The following DTD2 variants were observed in gnomAD, a reference collection of about 807,000 sequenced individuals.
The protein encoded by DTD2 is D-aminoacyl-tRNA deacylase 2, also known as D-tyrosyl-tRNA deacylase 2 (putative).
A neutral mutation model predicts 15.5 loss-of-function variants in DTD2; 12 were observed. That is an observed-to-expected ratio of 0.77 (90% CI 0.50 to 1.25). The LOEUF (loss-of-function observed/expected upper bound fraction) is 1.25. Among genes scored for constraint, DTD2 ranks in the 50% most tolerant of loss-of-function variants. DTD2 has a pLI of 0.00. For missense variants in DTD2, 170 were observed against 201.1 expected (o/e 0.85, Z 0.93); for synonymous variants, 59 against 77.3 (o/e 0.76, Z 1.24).
chr14:31,447,644 C>A lies in DTD2; in HGVS notation c.*485G>T, dbSNP rs1228340530. The A allele has an allele frequency of 6.5e-6, 1 of 152,958 alleles. No homozygotes were observed. Among genetic ancestry groups the A allele is most frequent in the South Asian group, 2.1e-4 (1 of 4,860 alleles). 9.5% of individuals were successfully genotyped at this position (152,958 alleles called of 1,614,324 possible). On this transcript the variant is annotated 3_prime_UTR_variant, in exon 3 of 3. Transcript: ENST00000310850. ...GACCATCCTGGCCAGCACGGTGAAA[C>A]CCCATCTCTACTAAAAATACAAAAA...
intron 1 of DTD2, among the ~76,000 whole-genome samples, chr14:31,453,827 T>C (rs1423189835): frequency 6.6e-6 from 1 of 152,260 alleles, no homozygotes; most frequent in East Asian, 1.9e-4. Flanking sequence ...GGTCTGATTC[T>C]ATTTCTATAA....
At chr14:31,456,015 T>G (rs1747455710) in intron 1 of DTD2, among the ~76,000 whole-genome samples, 1 of 152,232 alleles carries the variant, frequency 6.6e-6, no homozygotes, top group Non-Finnish European at 1.5e-5. Context: ...GGAATTTCTA[T>G]GCTTATATTT....
rs540716209 is a variant in DTD2 at position 31,448,069 on chromosome 14, C to G, written c.*60G>C. The G allele has an allele frequency of 7.2e-7, 1 of 1,386,042 alleles. No homozygotes were observed. The highest frequency in any genetic ancestry group is 9.9e-7 in the Non-Finnish European group (1 of 1,014,254). The allele number at this position is 1,386,042 out of a possible 1,614,324, so 85.9% of individuals were successfully genotyped here. A position where few individuals can be genotyped will look rare whatever the true frequency, so the allele number is the denominator to read the frequency against. The stretch of plus-strand genomic sequence containing the variant: ...TATTCAAGATTAAGGGGAAGAAAAT[C>G]TAATTATACTTTAGATCATTTCATA... On this transcript the variant is annotated 3_prime_UTR_variant, in exon 3 of 3. Transcript: ENST00000310850.
At chr14:31,456,987 A>G (rs1040269460) in intron 1 of DTD2, 1 of 446,644 alleles carries the variant, frequency 2.2e-6, no homozygotes. Flanking sequence ...AAGGGGTCTG[A>G]GACAGTAAGG....
chr14:31,448,443 A>T lies in DTD2; in HGVS notation c.193T>A (p.Leu65Ile). The T allele has an allele frequency of 6.2e-7, 1 of 1,611,586 alleles. No homozygotes were observed. The highest frequency in any genetic ancestry group is 8.5e-7 in the Non-Finnish European group (1 of 1,178,868). The change falls in exon 3 of 3, where the codon TTA (leucine) becomes ATA (isoleucine). Residue 65 changes from leucine to isoleucine, a missense_variant. Coordinates refer to ENST00000310850, the MANE Select transcript of DTD2 (RefSeq NM_080664.3). ...TCTGTCTCACTTAATTTCACATTTAACAGTGTATTAACTGGGTGAGGAAGA... is the reference window on the plus strand; with the variant it reads ...TCTGTCTCACTTAATTTCACATTTATCAGTGTATTAACTGGGTGAGGAAGA... ...ELLPKMVNTL[L>I]NVKLSETENG...
intron 1 of DTD2, among the ~76,000 whole-genome samples, chr14:31,454,293 C>T (rs1158441751): frequency 6.6e-6 from 1 of 152,204 alleles, no homozygotes; most frequent in Non-Finnish European, 1.5e-5. Context: ...ACTTTACAGG[C>T]TGTTTTGTAC....
rs141009922 is a variant in DTD2 at position 31,457,069 on chromosome 14, G to A, written c.111+214C>T. On this transcript the variant is annotated intron_variant, in intron 1 of 2. Transcript: ENST00000310850. ...GAAGGGAGACACGCTCTTCCTCTCG[G>A]GTGCTACAACTGGCGCTGGGGAACG... 8.5e-4 allele frequency: 485 copies of A among 569,544 alleles called. 1 individual carries two copies. The highest frequency in any genetic ancestry group is 6.2e-3 in the African/African-American group (323 of 51,812). The allele number at this position is 569,544 out of a possible 1,614,324, so 35.3% of individuals were successfully genotyped here.
Position 31,447,396 on chromosome 14 carries a change from T to C in DTD2, c.*733A>G, listed in dbSNP as rs1315614490. On this transcript the variant is annotated 3_prime_UTR_variant, in exon 3 of 3. Coordinates refer to ENST00000310850, the MANE Select transcript of DTD2 (RefSeq NM_080664.3). The stretch of plus-strand genomic sequence containing the variant: ...AAGTTATAATTGGGTTGTGCTGAAG[T>C]TTACCTAATTTTAATACAAATAGTT... The C allele has an allele frequency of 6.6e-6, 1 of 152,176 alleles. No homozygotes were observed. The highest frequency in any genetic ancestry group is 6.5e-5 in the Admixed American group (1 of 15,284). The allele number at this position is 152,176 out of a possible 1,614,324, so 9.4% of individuals were successfully genotyped here. A position where few individuals can be genotyped will look rare whatever the true frequency, so the allele number is the denominator to read the frequency against.
chr14:31,449,542 G>C (rs1181854649), intron 2 of DTD2, among the ~76,000 whole-genome samples: 1 of 152,142 alleles, frequency 6.6e-6, no homozygotes, highest in African/African-American at 2.4e-5. Context: ...TAGCTAATAA[G>C]AAGTGTCGAA....
chr14:31,448,596 A>G, intron 2 of DTD2, 142 bp from the exon 3 acceptor site: 1 of 681,810 alleles, frequency 1.5e-6, no homozygotes, highest in South Asian at 2.1e-5. Flanking sequence ...TTTAGATTTA[A>G]AATACTGCTT....
chr14:31,449,181 C>A (rs571850152), intron 2 of DTD2, among the ~76,000 whole-genome samples: 1 of 152,222 alleles, frequency 6.6e-6, no homozygotes, highest in African/African-American at 2.4e-5. Flanking sequence ...GCGTGAGCCA[C>A]CACGCCCAGC....
intron 1 of DTD2, 24 bp downstream of exon 1, chr14:31,457,259 C>A: frequency 6.5e-7 from 1 of 1,547,928 alleles, no homozygotes; most frequent in Non-Finnish European, 8.7e-7. Flanking sequence ...CGGAGGATAA[C>A]GAGAGCTGCC....
rs546379159 is a variant in DTD2, at chr14:31,457,317, G to A, written c.77C>T (p.Pro26Leu). 3.1e-6 allele frequency: 5 copies of A among 1,594,446 alleles called. No individual in the cohort carries two copies. Among genetic ancestry groups the A allele is most frequent in the Non-Finnish European group, 3.4e-6 (4 of 1,172,030 alleles). Reference protein sequence around the residue: ...QCLHARLQIRPADGDVAAQWV... With the variant: ...QCLHARLQIRLADGDVAAQWV... ...CTGGGCCGCGACGTCCCCATCGGCT[G>A]GGCGAATTTGCAGCCGGGCGTGCAG... Residue 26 changes from proline to leucine, a missense_variant, in exon 1 of 3, where the codon CCA becomes CTA. Transcript: ENST00000310850.
At chr14:31,453,924 C>T (rs1336004051) in intron 1 of DTD2, among the ~76,000 whole-genome samples, 1 of 152,180 alleles carries the variant, frequency 6.6e-6, no homozygotes, top group Non-Finnish European at 1.5e-5. Context: ...TTGAAAACTG[C>T]ATTTGTGATA....
intron 1 of DTD2, 94 bp from the exon 2 acceptor site, chr14:31,453,438 G>T: frequency 9.8e-7 from 1 of 1,017,536 alleles, no homozygotes; most frequent in South Asian, 1.7e-5. Context: ...TAATATTATA[G>T]ACATAGAGGT....
chr14:31,453,575 A>C (rs1163746935), intron 1 of DTD2, among the ~76,000 whole-genome samples: 1 of 152,246 alleles, frequency 6.6e-6, no homozygotes, highest in Non-Finnish European at 1.5e-5. Flanking sequence ...AGCAGTGAAG[A>C]CAAGTTATAC....
chr14:31,447,362 A>T lies in DTD2; in HGVS notation c.*767T>A, dbSNP rs759854480. The T allele has an allele frequency of 3.3e-5, 5 of 152,188 alleles. No homozygotes were observed. Among genetic ancestry groups the T allele is most frequent in the Non-Finnish European group, 7.3e-5 (5 of 68,040 alleles). The allele number at this position is 152,188 out of a possible 1,614,324, so 9.4% of individuals were successfully genotyped here. A position where few individuals can be genotyped will look rare whatever the true frequency, so the allele number is the denominator to read the frequency against. On this transcript the variant is annotated 3_prime_UTR_variant, in exon 3 of 3. Coordinates refer to ENST00000310850, the MANE Select transcript of DTD2 (RefSeq NM_080664.3). ...ATACAGAAAACTGAAATAGTAAACA[A>T]AATTAACAAAGTTATAATTGGGTTG... is the stretch of plus-strand genomic sequence containing the variant.
chr14:31,457,113 G>A (rs1419257137), intron 1 of DTD2, 170 bp downstream of exon 1: 2 of 618,446 alleles, frequency 3.2e-6, no homozygotes, highest in East Asian at 3.0e-5. Context: ...GGACCGAAAA[G>A]ACAAGCGCAG....
intron 1 of DTD2, among the ~76,000 whole-genome samples, chr14:31,453,732 G>A (rs927760723): frequency 6.6e-6 from 1 of 152,138 alleles, no homozygotes; most frequent in Non-Finnish European, 1.5e-5. Context: ...TACAGCTGAT[G>A]GATAAACAAC....
Sources: allele counts gnomAD v4.1 joint callset (sites outside exome capture counted in the v4.1 genomes callset), GRCh38; gene constraint gnomAD v4.1.1; transcripts MANE v1.5; gene names NCBI Gene and HGNC (gene_info 2026-07-23, HGNC 2026-07-21).